The following UNC13C variants were observed in gnomAD, a reference collection of about 807,000 sequenced individuals.
The protein encoded by UNC13C is protein unc-13 homolog C.
In UNC13C, 174 loss-of-function variants were observed where a neutral mutation model predicts 245.4. The ratio of observed to expected loss-of-function variants is 0.71; its 90% confidence interval spans 0.63 to 0.80. The LOEUF is 0.80. UNC13C is among the 30% of genes least tolerant of loss of function. The pLI is 0.00. For synonymous variants in UNC13C, 992 were observed against 895.1 expected (o/e 1.11, Z -1.93); for missense variants, 2,829 against 2,602.9 (o/e 1.09, Z -1.89).
chr15:54,141,133 C>T (rs1410828909), intron 2 of UNC13C, among the ~76,000 whole-genome samples: 1 of 152,062 alleles, frequency 6.6e-6, no homozygotes, highest in East Asian at 1.9e-4. Context: ...GATCTTATTT[C>T]ATTGTTTTCC....
In UNC13C at chr15:54,549,633, A is replaced by G; in HGVS notation, c.5821-2A>G. The G allele has an allele frequency of 6.2e-7, 1 of 1,601,648 alleles. No individual in the cohort carries two copies. The highest frequency in any genetic ancestry group is 8.5e-7 in the Non-Finnish European group (1 of 1,174,058). ...CTTCTCTCACTTTTTCTTTGTTTCT[A>G]GGGACCCCAGATGATTTTCATTGCA... is the stretch of plus-strand genomic sequence containing the variant. On this transcript the variant is annotated splice_acceptor_variant, in intron 27 of 32. Transcript: ENST00000260323. LOFTEE classifies it high-confidence loss of function.
chr15:54,484,801 C>CA (rs1052588365), intron 19 of UNC13C, among the ~76,000 whole-genome samples: 9 of 151,948 alleles, frequency 5.9e-5, no homozygotes, highest in Admixed American at 5.9e-4. Flanking sequence ...TTTCCTCCCA[C>CA]AAAAAAGGAT....
rs528231793 is a variant in UNC13C at position 54,150,378 on chromosome 15, G to A, written c.3071+6694G>A. On this transcript the variant is annotated intron_variant, in intron 4 of 32. Coordinates refer to ENST00000260323, the MANE Select transcript of UNC13C (RefSeq NM_001080534.3). ...CCTCATGTGAGACTTCAGGGAGTAC[G>A]CCTAATCACAGACTCTTGATTGTAT... is the stretch of plus-strand genomic sequence containing the variant. Among the ~76,000 whole-genome samples, 4 of 152,354 alleles carry A rather than the reference G, an allele frequency of 2.6e-5. No homozygotes were observed. The South Asian group carries it at 6.2e-4, about 24-fold the overall frequency.
rs539644426 is a variant in UNC13C, at chr15:54,197,565, A to G, written c.3072-37465A>G. 1.0e-3 allele frequency among the ~76,000 whole-genome samples: 158 copies of G among 152,316 alleles called. 3 individuals carry two copies. The South Asian group carries it at 0.032, about 31-fold the overall frequency. The stretch of plus-strand genomic sequence containing the variant: ...GATTACATTTTAAGCACATCTCTGT[A>G]AGGAGGCTTTGAGAATAATTGAGTT... On this transcript the variant is annotated intron_variant, in intron 4 of 32. Coordinates refer to ENST00000260323, the MANE Select transcript of UNC13C (RefSeq NM_001080534.3).
chr15:54,230,479 CTACT>C (rs1307792656), intron 4 of UNC13C, among the ~76,000 whole-genome samples: 1 of 151,498 alleles, frequency 6.6e-6, no homozygotes, highest in Non-Finnish European at 1.5e-5. Flanking sequence ...TAATTAATCT[CTACT>C]TAATCAGTAA....
intron 24 of UNC13C, among the ~76,000 whole-genome samples, chr15:54,524,353 A>G (rs1163353226): frequency 6.6e-6 from 1 of 152,250 alleles, no homozygotes; most frequent in Non-Finnish European, 1.5e-5. Context: ...CAAGGAATCC[A>G]GAAAAATCAC....
rs961399458 is a variant in UNC13C at position 54,404,340 on chromosome 15, T to C, written c.4848-10642T>C. Among the ~76,000 whole-genome samples the C allele has an allele frequency of 2.6e-5, 4 of 152,346 alleles. No homozygotes were observed. The South Asian group carries it at 8.3e-4, about 32-fold the overall frequency. On this transcript the variant is annotated intron_variant, in intron 18 of 32. Coordinates refer to ENST00000260323, the MANE Select transcript of UNC13C (RefSeq NM_001080534.3). ...TCAAATTTGGCAGTGGCAGATTATG[T>C]TTTCCTCATTTCACTAAGAAATTTG...
At chr15:53,927,307 A>G in the UNC13C span, among the ~76,000 whole-genome samples, 2 of 152,256 alleles carry the variant, frequency 1.3e-5, no homozygotes, top group Non-Finnish European at 2.9e-5. Flanking sequence ...TTTGTTTGCT[A>G]TGCAGGGAAT....
At chr15:54,311,181 T>G (rs145108463) in intron 13 of UNC13C, among the ~76,000 whole-genome samples, 1 of 151,892 alleles carries the variant, frequency 6.6e-6, no homozygotes, top group Non-Finnish European at 1.5e-5. Context: ...GCAAAATCAG[T>G]ATCAAATGAG....
intron 30 of UNC13C, among the ~76,000 whole-genome samples, chr15:54,570,267 C>A (rs748398733): frequency 3.3e-5 from 5 of 152,184 alleles, no homozygotes; most frequent in African/African-American, 7.2e-5. Context: ...AAAATCCATT[C>A]CTTGTGGCTA....
At chr15:54,263,854 T>C (rs1473160531) in intron 8 of UNC13C, among the ~76,000 whole-genome samples, 1 of 152,128 alleles carries the variant, frequency 6.6e-6, no homozygotes, top group Non-Finnish European at 1.5e-5. Flanking sequence ...TTGTGTCTGT[T>C]CTGTTTGCTG....
intron 25 of UNC13C, among the ~76,000 whole-genome samples, chr15:54,528,660 T>C (rs1596521380): frequency 6.6e-6 from 1 of 152,010 alleles, no homozygotes; most frequent in Non-Finnish European, 1.5e-5. Flanking sequence ...ATTTGAAAAT[T>C]AGTGCAAAAG....
At chr15:54,130,974 C>T (rs912471437) in intron 2 of UNC13C, among the ~76,000 whole-genome samples, 1 of 152,160 alleles carries the variant, frequency 6.6e-6, no homozygotes, top group African/African-American at 2.4e-5. Context: ...GTCCCTAGCA[C>T]AATGCCTAGA....
At chr15:53,976,369 G>T (rs2140939331), upstream of UNC13C, among the ~76,000 whole-genome samples, 1 of 150,338 alleles carries the variant, frequency 6.7e-6, no homozygotes, top group South Asian at 2.1e-4. Context: ...CCCCTGGTGT[G>T]ATTCATTTCC....
intron 7 of UNC13C, among the ~76,000 whole-genome samples, chr15:54,245,622 G>T (rs1241943899): frequency 6.6e-6 from 1 of 152,066 alleles, no homozygotes; most frequent in Admixed American, 6.6e-5. Context: ...TTTTATCCTA[G>T]CATTGCTCTG....
chr15:54,310,591 T>G (rs2037842298), intron 13 of UNC13C, among the ~76,000 whole-genome samples: 1 of 151,774 alleles, frequency 6.6e-6, no homozygotes. Flanking sequence ...AATCCTTTCA[T>G]TTTGCAGATG....
At chr15:54,082,438 A>G (rs547693214) in intron 2 of UNC13C, among the ~76,000 whole-genome samples, 4 of 152,096 alleles carry the variant, frequency 2.6e-5, no homozygotes, top group East Asian at 1.9e-4. Flanking sequence ...ACATAGCCCC[A>G]TGTTTCTTAT....
At chr15:53,956,879 T>TGTGTGTGTGTGC in the UNC13C span, among the ~76,000 whole-genome samples, 2 of 144,032 alleles carry the variant, frequency 1.4e-5, no homozygotes, top group Non-Finnish European at 3.0e-5. Flanking sequence ...AGCTCAAGTG[T>TGTGTGTGTGTGC]GTGTGTGTGT....
At chr15:54,061,560 C>G (rs938398437) in intron 2 of UNC13C, among the ~76,000 whole-genome samples, 1 of 152,092 alleles carries the variant, frequency 6.6e-6, no homozygotes, top group East Asian at 1.9e-4. Flanking sequence ...AAATCCAAAC[C>G]TTGGAATCTT....
Sources: gnomAD v4.1 joint callset for allele counts (sites outside exome capture counted in the v4.1 genomes callset) on GRCh38, gnomAD v4.1.1 for gene constraint, MANE v1.5 for transcripts, NCBI Gene and HGNC (gene_info 2026-07-23, HGNC 2026-07-21) for gene names.